The following STXBP3 variants were observed in gnomAD, a reference collection of about 807,000 sequenced individuals.
The protein encoded by STXBP3 is syntaxin binding protein 3.
STXBP3 carries 41 observed loss-of-function variants against 85.7 expected under a neutral mutation model. That is an observed-to-expected ratio of 0.48 (90% CI 0.37 to 0.62). STXBP3 has a LOEUF of 0.62. STXBP3 is among the 20% of genes least tolerant of loss of function. The pLI, the probability that STXBP3 is intolerant of heterozygous loss-of-function variation, is 0.00. For synonymous variants in STXBP3, 229 were observed against 231.7 expected (o/e 0.99, Z 0.10); for missense variants, 563 against 703.1 (o/e 0.80, Z 2.25).
In STXBP3 at chr1:108,776,708, CT is replaced by C. The variant is rs1437192329; in HGVS notation, c.684+287del. ...ATGTCTATTTGGGCAAATTATGTAA[CT>C]TCTATGTAACTACATTTTCTTTTCT... On this transcript the variant is annotated intron_variant, in intron 8 of 18. Coordinates refer to ENST00000370008, the MANE Select transcript of STXBP3 (RefSeq NM_007269.4). Among the ~76,000 whole-genome samples the C allele has an allele frequency of 1.2e-4, 18 of 152,132 alleles. No homozygotes were observed. In the East Asian group the frequency reaches 3.5e-3, roughly 29 times the overall value.
chr1:108,788,407 T>C (rs1220653101), intron 11 of STXBP3, among the ~76,000 whole-genome samples: 1 of 152,224 alleles, frequency 6.6e-6, no homozygotes, highest in Non-Finnish European at 1.5e-5. Flanking sequence ...TTTGGTCTTA[T>C]GAAATGAATT....
chr1:108,771,637 A>T lies in STXBP3; in HGVS notation c.439-1028A>T, dbSNP rs1402722407. Among the ~76,000 whole-genome samples the T allele has an allele frequency of 1.2e-3, 42 of 36,466 alleles. 13 individuals are homozygous for T. The highest frequency in any genetic ancestry group is 4.8e-3 in the African/African-American group (41 of 8,544). 23.9% of individuals were successfully genotyped at this position (36,466 alleles called of 152,430 possible). ...ATATATATCTATATATCATATATAA[A>T]TATATATGATATATATCTATATATA... On this transcript the variant is annotated intron_variant, in intron 6 of 18. Transcript: ENST00000370008.
chr1:108,779,156 C>T (rs1178236871), intron 8 of STXBP3, 130 bp from the exon 9 acceptor site: 3 of 937,000 alleles, frequency 3.2e-6, no homozygotes, highest in Non-Finnish European at 4.6e-6. Flanking sequence ...TTGTTTTGTT[C>T]TGTTGTATGT....
intron 11 of STXBP3, among the ~76,000 whole-genome samples, chr1:108,789,991 CAAAAA>C (rs35345273): frequency 1.6e-5 from 2 of 121,254 alleles, no homozygotes; most frequent in African/African-American, 6.1e-5. Context: ...GACTCTGTCT[CAAAAA>C]AAAAAAAAAA....
At chr1:108,800,523 A>G (rs1396958336) in intron 17 of STXBP3, among the ~76,000 whole-genome samples, 7 of 152,070 alleles carry the variant, frequency 4.6e-5, no homozygotes. Context: ...TTCCTTCCCC[A>G]CCTCCTCTTC....
At chr1:108,756,224 A>G (rs1002263051) in intron 3 of STXBP3, among the ~76,000 whole-genome samples, 5 of 152,312 alleles carry the variant, frequency 3.3e-5, no homozygotes, top group Middle Eastern at 3.4e-3. Context: ...TTTTGAAAGA[A>G]TAGGCGTTAA....
chr1:108,785,510 C>A (rs1408595022), intron 11 of STXBP3, among the ~76,000 whole-genome samples: 2 of 152,114 alleles, frequency 1.3e-5, no homozygotes, highest in Admixed American at 1.3e-4. Flanking sequence ...GGCCTCTGGA[C>A]CTGTGATGGG....
intron 4 of STXBP3, 101 bp downstream of exon 4, chr1:108,756,867 A>G: frequency 1.2e-6 from 1 of 805,322 alleles, no homozygotes; most frequent in East Asian, 3.2e-5. Context: ...CTTTAGTAGA[A>G]AAATATTGCC....
Position 108,758,500 on chromosome 1 carries a change from CT to C in STXBP3, c.259-4del. On this transcript the variant is annotated splice_polypyrimidine_tract_variant and intron_variant, in intron 4 of 18. Coordinates refer to ENST00000370008, the MANE Select transcript of STXBP3 (RefSeq NM_007269.4). ...AATAAAATGTGTATTAACATCTAAC[CT>C]TTTTTAAGTCTGTAGATTGTTTCTT... The C allele has an allele frequency of 6.2e-6, 9 of 1,451,806 alleles. No homozygotes were observed. Among genetic ancestry groups the C allele is most frequent in the East Asian group, 2.4e-5 (1 of 42,034 alleles). 89.9% of individuals were successfully genotyped at this position (1,451,806 alleles called of 1,614,324 possible).
chr1:108,784,598 A>G (rs1388683501), intron 11 of STXBP3, among the ~76,000 whole-genome samples: 1 of 152,172 alleles, frequency 6.6e-6, no homozygotes, highest in African/African-American at 2.4e-5. Flanking sequence ...GGTACCTCCC[A>G]TATCTCATGT....
In STXBP3 at chr1:108,752,408, A is replaced by G. The variant is rs1195562837; in HGVS notation, c.99+102A>G. The stretch of plus-strand genomic sequence containing the variant: ...TTTACATGGTATTAGGTATTCTAGT[A>G]TAAGTAATCTAAAGATAATTTGACG... On this transcript the variant is annotated intron_variant, in intron 2 of 18. Coordinates refer to ENST00000370008, the MANE Select transcript of STXBP3 (RefSeq NM_007269.4). The G allele has an allele frequency of 4.7e-6, 5 of 1,067,696 alleles. No homozygotes were observed. In the African/African-American group the frequency reaches 6.5e-5, roughly 14 times the overall value. 66.1% of individuals were successfully genotyped at this position (1,067,696 alleles called of 1,614,324 possible).
chr1:108,798,198 G>C lies in STXBP3; in HGVS notation c.1410G>C (p.Gln470His). 3 of 1,612,688 alleles carry C rather than the reference G, an allele frequency of 1.9e-6. No individual in the cohort carries two copies. The highest frequency in any genetic ancestry group is 2.5e-6 in the Non-Finnish European group (3 of 1,179,580). ...ATCGGTCTGCAGAAGAAACTTTTCA[G>C]CTCTCTCGGTGGACACCTTTTATCA... ...RKDRSAEETF[Q>H]LSRWTPFIKD... Residue 470 changes from glutamine to histidine, a missense_variant, in exon 16 of 19, where the codon CAG becomes CAC. By Grantham distance (24) the Gln-to-His change is conservative (BLOSUM62 0). Around this residue, in one of 3 missense-constraint regions of STXBP3, gnomAD observed 494 missense variants for 592.8 expected, o/e 0.83. Coordinates refer to ENST00000370008, the MANE Select transcript of STXBP3 (RefSeq NM_007269.4).
intron 7 of STXBP3, 94 bp from the exon 8 acceptor site, chr1:108,776,239 T>A (rs1043084381): frequency 2.5e-5 from 19 of 769,364 alleles, no homozygotes; most frequent in South Asian, 3.7e-5. Context: ...AAACATTTTT[T>A]AAATTTCAGT....
intron 17 of STXBP3, among the ~76,000 whole-genome samples, chr1:108,805,769 C>T (rs1663318270): frequency 6.6e-6 from 1 of 152,176 alleles, no homozygotes; most frequent in Non-Finnish European, 1.5e-5. Flanking sequence ...CCGTGGTGCA[C>T]CCCTGTAAGT....
intron 4 of STXBP3, among the ~76,000 whole-genome samples, chr1:108,758,252 A>G (rs61797297): frequency 0.046 from 6,687 of 146,830 alleles, 206 homozygotes; most frequent in Admixed American, 0.071. Context: ...CATCCTGTTC[A>G]TACATATTAC....
At chr1:108,801,760 A>G (rs1422233626) in intron 17 of STXBP3, among the ~76,000 whole-genome samples, 3 of 151,640 alleles carry the variant, frequency 2.0e-5, no homozygotes, top group African/African-American at 7.3e-5. Flanking sequence ...ACTCAAACGC[A>G]TGGGCTCAGG....
At position 108,756,711 on chromosome 1, in the gene STXBP3, A is replaced by G; in HGVS notation, c.203A>G (p.Asn68Ser). ...GITVVENIYK[N>S]REPVRQMKAL... is the part of the protein sequence containing the mutation. ...TTAGTTGTAGAGAATATTTATAAGA[A>G]CCGTGAACCTGTCAGACAAATGAAA... Residue 68 changes from asparagine to serine, a missense_variant, in exon 4 of 19, where the codon AAC (asparagine) becomes AGC (serine). Physicochemically the swap from Asn to Ser is conservative, Grantham distance 46 (BLOSUM62 1). This residue lies in a region of STXBP3 where 32 missense variants were observed against 70.6 expected (regional missense o/e 0.45). Coordinates refer to ENST00000370008, the MANE Select transcript of STXBP3 (RefSeq NM_007269.4). 3 of 1,589,738 alleles carry G rather than the reference A, an allele frequency of 1.9e-6. No homozygotes were observed. The highest frequency in any genetic ancestry group is 2.6e-6 in the Non-Finnish European group (3 of 1,166,852).
chr1:108,801,620 C>T (rs1663233648), intron 17 of STXBP3, among the ~76,000 whole-genome samples: 2 of 151,736 alleles, frequency 1.3e-5, no homozygotes, highest in African/African-American at 4.8e-5. Flanking sequence ...GGTTGCATTC[C>T]AAAATAGGCA....
intron 9 of STXBP3, chr1:108,780,426 T>TA (rs1557809530): frequency 6.6e-6 from 1 of 152,090 alleles, no homozygotes; most frequent in East Asian, 1.9e-4. Flanking sequence ...ACTTATTTTT[T>TA]AAAAAGCTAC....
Sources: gnomAD v4.1 joint callset for allele counts (sites outside exome capture counted in the v4.1 genomes callset) on GRCh38, gnomAD v4.1.1 for gene constraint, gnomAD v4.1.1 regional missense constraint, MANE v1.5 for transcripts, NCBI Gene and HGNC (gene_info 2026-07-23, HGNC 2026-07-21) for gene names.